Variants in PLCE1 observed in about 807,000 individuals in gnomAD.
PLCE1 encodes phospholipase C epsilon 1, also known as 1-phosphatidylinositol 4,5-bisphosphate phosphodiesterase epsilon-1.
Under a neutral mutation model 242.8 loss-of-function variants are expected in PLCE1, and 119 were observed. That is an observed-to-expected ratio of 0.49 (90% CI 0.42 to 0.57). The LOEUF is 0.57. Among genes scored for constraint, PLCE1 ranks in the 20% least tolerant of loss-of-function variants. The pLI is 0.00. For missense variants in PLCE1, 2,441 were observed against 2,788.8 expected, an observed-to-expected ratio of 0.88 and a Z score of 2.81; for synonymous variants, 945 against 1,017.4, an observed-to-expected ratio of 0.93 and a Z score of 1.35.
chr10:94,010,047 G>C (rs549856876), intron 1 of PLCE1, among the ~76,000 whole-genome samples: 1 of 152,158 alleles, frequency 6.6e-6, no homozygotes, highest in South Asian at 2.1e-4. Context: ...CTTTATGTGG[G>C]GGCTCTCCCT....
chr10:94,059,118 T>C (rs940293138), intron 2 of PLCE1, among the ~76,000 whole-genome samples: 1 of 152,170 alleles, frequency 6.6e-6, no homozygotes, highest in Non-Finnish European at 1.5e-5. Context: ...ACAGTCATGA[T>C]GGAGAAGGAG....
At chr10:94,113,368 C>T (rs905783728) in intron 2 of PLCE1, among the ~76,000 whole-genome samples, 1 of 151,286 alleles carries the variant, frequency 6.6e-6, no homozygotes, top group African/African-American at 2.4e-5. Context: ...GTACTATACA[C>T]CCATTCCTTT....
chr10:94,283,093 A>T (rs1480792617), intron 20 of PLCE1: 1 of 152,172 alleles, frequency 6.6e-6, no homozygotes, highest in African/African-American at 2.4e-5. Flanking sequence ...TTAAAAGGTC[A>T]TCATCACGAT....
intron 3 of PLCE1, among the ~76,000 whole-genome samples, chr10:94,167,680 C>G (rs994652119): frequency 7.6e-6 from 1 of 130,898 alleles, no homozygotes; most frequent in Non-Finnish European, 1.6e-5. Context: ...TCCCCCCACC[C>G]CACAACAGTC....
chr10:94,210,563 C>T (rs2049300908), intron 4 of PLCE1, among the ~76,000 whole-genome samples: 1 of 152,202 alleles, frequency 6.6e-6, no homozygotes, highest in Admixed American at 6.5e-5. Flanking sequence ...AATCCCCTTC[C>T]TCTGCTGGTC....
chr10:94,271,675 G>A (rs146942459), intron 18 of PLCE1, among the ~76,000 whole-genome samples: 9 of 152,266 alleles, frequency 5.9e-5, no homozygotes, highest in Middle Eastern at 3.4e-3. Flanking sequence ...AGACTGGCCA[G>A]AACAGTTGCT....
At chr10:94,296,123 G>T (rs1015403647) in intron 23 of PLCE1, among the ~76,000 whole-genome samples, 5 of 152,104 alleles carry the variant, frequency 3.3e-5, no homozygotes, top group Admixed American at 3.3e-4. Context: ...AGCACTTTGG[G>T]AGGCTGAGGC....
chr10:94,221,733 T>TA (rs1554887380), intron 4 of PLCE1, among the ~76,000 whole-genome samples: 33 of 150,532 alleles, frequency 2.2e-4, no homozygotes, highest in African/African-American at 7.1e-4. Context: ...AAGTTCTGTC[T>TA]AAAAAAAAAG....
intron 4 of PLCE1, among the ~76,000 whole-genome samples, chr10:94,223,431 A>G (rs553001629): frequency 6.6e-6 from 1 of 152,228 alleles, no homozygotes; most frequent in African/African-American, 2.4e-5. Context: ...TGCAGAGGAC[A>G]CAAGCAAGAC....
chr10:94,279,724 G>C, intron 19 of PLCE1, 58 bp from the exon 20 acceptor site: 1 of 1,584,500 alleles, frequency 6.3e-7, no homozygotes, highest in Non-Finnish European at 8.7e-7. Flanking sequence ...AGTTTTAAAG[G>C]TTATAAATGA....
At chr10:94,020,375 G>T (rs1037085084) in intron 1 of PLCE1, among the ~76,000 whole-genome samples, 77 of 152,046 alleles carry the variant, frequency 5.1e-4, no homozygotes, top group African/African-American at 1.8e-3. Flanking sequence ...AGCTATAGAG[G>T]TTCTTTGTGT....
chr10:94,185,236 G>A (rs1013893690), intron 4 of PLCE1, among the ~76,000 whole-genome samples: 2 of 152,222 alleles, frequency 1.3e-5, no homozygotes, highest in Admixed American at 6.5e-5. Flanking sequence ...AGTGGCTCAC[G>A]CCTGTAATAA....
At chr10:94,280,306 C>G in intron 20 of PLCE1, 1 of 257,058 alleles carries the variant, frequency 3.9e-6, no homozygotes, top group South Asian at 4.9e-5. Flanking sequence ...TCTGTGCTCT[C>G]TGTTTCACAC....
Position 94,331,602 on chromosome 10 carries a change from C to A in PLCE1, c.*3659C>A, listed in dbSNP as rs1343449211. On this transcript the variant is annotated 3_prime_UTR_variant, in exon 33 of 33. Transcript: ENST00000371380. ...AAAGTCTCTGACCCCTTTTCAGTTG[C>A]TTATATATCAGCAGTGAGGCCAGAA... 1.3e-5 allele frequency: 2 copies of A among 152,128 alleles called. No individual in the cohort carries two copies. The highest frequency in any genetic ancestry group is 4.8e-5 in the African/African-American group (2 of 41,406). 9.4% of individuals were successfully genotyped at this position (152,128 alleles called of 1,614,324 possible).
At chr10:94,014,564 GTT>G (rs779916669) in intron 1 of PLCE1, among the ~76,000 whole-genome samples, 8 of 151,952 alleles carry the variant, frequency 5.3e-5, no homozygotes, top group Non-Finnish European at 7.4e-5. Context: ...CATTTACATT[GTT>G]TTGCAATTGT....
chr10:94,179,530 T>TTTTTTTTTA (rs10636243), intron 4 of PLCE1, among the ~76,000 whole-genome samples: 8 of 118,826 alleles, frequency 6.7e-5, no homozygotes, highest in African/African-American at 2.6e-4. Context: ...TTTTTTTTTT[T>TTTTTTTTTA]GACAGGGTCT....
At chr10:94,113,954 C>A (rs1030607688) in intron 2 of PLCE1, among the ~76,000 whole-genome samples, 2 of 152,084 alleles carry the variant, frequency 1.3e-5, no homozygotes, top group African/African-American at 2.4e-5. Context: ...TTAAGAAGGC[C>A]AAGTTCAGTT....
intron 18 of PLCE1, among the ~76,000 whole-genome samples, chr10:94,271,731 CA>C (rs1279975862): frequency 6.6e-6 from 1 of 152,160 alleles, no homozygotes; most frequent in Non-Finnish European, 1.5e-5. Context: ...GATAATGTAT[CA>C]GGGGAACCTG....
At chr10:94,198,657 C>T (rs187293024) in intron 4 of PLCE1, among the ~76,000 whole-genome samples, 27 of 152,314 alleles carry the variant, frequency 1.8e-4, no homozygotes, top group African/African-American at 6.5e-4. Flanking sequence ...TCTGATTTCT[C>T]TTTTTATCCT....
Sources: gnomAD v4.1 joint callset for allele counts (sites outside exome capture counted in the v4.1 genomes callset) on GRCh38, gnomAD v4.1.1 for gene constraint, MANE v1.5 for transcripts, NCBI Gene and HGNC (gene_info 2026-07-23, HGNC 2026-07-21) for gene names.